Variants in CHD1 observed in about 807,000 individuals in gnomAD.
CHD1 encodes the protein ATP-dependent chromatin remodeler CHD1.
A neutral mutation model predicts 224.2 loss-of-function variants in CHD1; 36 were observed. The ratio of observed to expected loss-of-function variants is 0.16; its 90% CI spans 0.12 to 0.21. CHD1 has a LOEUF of 0.21. CHD1 is among the 10% of genes least tolerant of loss of function. The probability of loss-of-function intolerance (pLI) is 1.00; values close to 1 mark genes in which losing one functional copy is unlikely to be tolerated. For synonymous variants in CHD1, 668 were observed against 658.3 expected, an observed-to-expected ratio of 1.01 and a Z score of -0.23; for missense variants, 1,378 against 1,994.8, an observed-to-expected ratio of 0.69 and a Z score of 5.89.
At chr5:98,879,409 C>T in intron 23 of CHD1, 143 bp downstream of exon 23, 4 of 591,362 alleles carry the variant, frequency 6.8e-6, no homozygotes, top group Non-Finnish European at 1.1e-5. Context: ...CACTTCTCAA[C>T]TCATTTCATG....
intron 17 of CHD1, among the ~76,000 whole-genome samples, chr5:98,886,399 TGA>T (rs1339915115): frequency 1.3e-5 from 2 of 152,204 alleles, no homozygotes; most frequent in African/African-American, 4.8e-5. Flanking sequence ...GAGAACTCAG[TGA>T]GAGAACACAG....
chr5:98,892,801 T>A, intron 14 of CHD1, 88 bp from the exon 15 acceptor site: 1 of 762,496 alleles, frequency 1.3e-6, no homozygotes, highest in Non-Finnish European at 1.9e-6. Flanking sequence ...GGGAGTCATT[T>A]ATAAACAAAA....
At position 98,899,490 on chromosome 5, in the gene CHD1, T is replaced by C. The variant is rs1751555594; in HGVS notation, c.1075A>G (p.Thr359Ala). Residue 359 changes from threonine to alanine, a missense_variant, in exon 8 of 36, where the codon ACA becomes GCA. Thr to Ala is a moderately conservative substitution (Grantham distance 58, BLOSUM62 0). Transcript: ENST00000614616. ...ATACAGCATACTTACCATCTTTTTG[T>C]TTCCTGATCTTTTTTCTTATAATTA... ...LDNYKKKDQETKRWLKNASPE... is the reference protein window; with the variant it reads ...LDNYKKKDQEAKRWLKNASPE... The C allele has an allele frequency of 6.3e-7, 1 of 1,593,130 alleles. No homozygotes were observed. Among genetic ancestry groups the C allele is most frequent in the East Asian group, 2.2e-5 (1 of 44,748 alleles).
At chr5:98,859,090 G>A in intron 33 of CHD1, 75 bp from the exon 34 acceptor site, 16 of 1,087,798 alleles carry the variant, frequency 1.5e-5, no homozygotes, top group Non-Finnish European at 2.2e-5. Context: ...ATAATTCTTA[G>A]AAAATACTGA....
intron 22 of CHD1, 55 bp from the exon 23 acceptor site, chr5:98,879,783 A>T: frequency 7.8e-7 from 1 of 1,279,470 alleles, no homozygotes; most frequent in Admixed American, 2.6e-5. Flanking sequence ...GATCCCTAAA[A>T]GTTTTTTTTA....
At chr5:98,898,468 A>AT (rs745737521) in intron 9 of CHD1, 34 bp from the exon 10 acceptor site, 305 of 1,447,092 alleles carry the variant, frequency 2.1e-4, no homozygotes, top group South Asian at 6.9e-4. Flanking sequence ...TTATTTATTT[A>AT]TTTTTTTTTA....
At chr5:98,909,103 A>C (rs1752228094) in intron 2 of CHD1, among the ~76,000 whole-genome samples, 1 of 152,120 alleles carries the variant, frequency 6.6e-6, no homozygotes, top group African/African-American at 2.4e-5. Context: ...CAATACCAAT[A>C]TCTCTTAAAA....
chr5:98,876,746 T>C lies in CHD1; in HGVS notation c.3238-188A>G, dbSNP rs1043881472. Among the ~76,000 whole-genome samples, 4 of 152,196 alleles carry C rather than the reference T, an allele frequency of 2.6e-5. No homozygotes were observed. In the East Asian group the frequency reaches 5.8e-4, roughly 22 times the overall value. On this transcript the variant is annotated intron_variant, in intron 23 of 35. Coordinates refer to ENST00000614616, the MANE Select transcript of CHD1 (RefSeq NM_001270.4). ...CTGGTGGATATTTTGATTTAAAAGG[T>C]AATCAGACATTATATCAAAAGCCTC...
At chr5:98,916,972 GA>G (rs1752773526) in intron 2 of CHD1, among the ~76,000 whole-genome samples, 1 of 152,012 alleles carries the variant, frequency 6.6e-6, no homozygotes, top group South Asian at 2.1e-4. Context: ...GAATCATTTA[GA>G]ACTGTGAAAA....
chr5:98,921,279 G>A (rs1424412694), intron 2 of CHD1, among the ~76,000 whole-genome samples: 1 of 152,198 alleles, frequency 6.6e-6, no homozygotes, highest in South Asian at 2.1e-4. Flanking sequence ...CTAGCCTCTT[G>A]CTAGTCCTGC....
At chr5:98,920,607 A>G (rs1295863268) in intron 2 of CHD1, among the ~76,000 whole-genome samples, 2 of 151,978 alleles carry the variant, frequency 1.3e-5, no homozygotes, top group Non-Finnish European at 2.9e-5. Flanking sequence ...GATCAGCCTG[A>G]CCAACACAGA....
At chr5:98,883,565 T>C (rs1490073640) in intron 18 of CHD1, among the ~76,000 whole-genome samples, 1 of 151,816 alleles carries the variant, frequency 6.6e-6, no homozygotes, top group East Asian at 1.9e-4. Context: ...TTAAAGGAAC[T>C]AAAAGTAGAA....
intron 2 of CHD1, among the ~76,000 whole-genome samples, chr5:98,910,787 C>T (rs962303970): frequency 6.6e-6 from 1 of 152,010 alleles, no homozygotes; most frequent in African/African-American, 2.4e-5. Context: ...CTTTGTGAAA[C>T]TGCATATACT....
At position 98,901,171 on chromosome 5, in the gene CHD1, A is replaced by G; in HGVS notation, c.587+15T>C. The stretch of plus-strand genomic sequence containing the variant: ...CTTTCCACAATCAATTTTCAGCACC[A>G]AACTGAGACCATACCTATTTTGAGG... On this transcript the variant is annotated intron_variant, in intron 6 of 35. Transcript: ENST00000614616. 4 of 1,598,970 alleles carry G rather than the reference A, an allele frequency of 2.5e-6. No individual in the cohort carries two copies. Among genetic ancestry groups the G allele is most frequent in the Non-Finnish European group, 3.4e-6 (4 of 1,175,818 alleles).
chr5:98,887,568 T>C (rs1425483713), intron 17 of CHD1, among the ~76,000 whole-genome samples: 1 of 152,162 alleles, frequency 6.6e-6, no homozygotes, highest in African/African-American at 2.4e-5. Flanking sequence ...TTAGCTTTAG[T>C]TATATTGAAT....
At chr5:98,924,951 C>G (rs1753356061) in intron 2 of CHD1, among the ~76,000 whole-genome samples, 1 of 151,138 alleles carries the variant, frequency 6.6e-6, no homozygotes, top group Non-Finnish European at 1.5e-5. Flanking sequence ...GCACTCCAGC[C>G]TGGGCGACAG....
chr5:98,872,578 A>G, intron 26 of CHD1, 23 bp from the exon 27 acceptor site: 2 of 1,602,800 alleles, frequency 1.2e-6, no homozygotes, highest in East Asian at 2.2e-5. Context: ...TAAAAAAACC[A>G]GTATTTTTAA....
chr5:98,918,601 G>A (rs1327398758), intron 2 of CHD1, among the ~76,000 whole-genome samples: 1 of 150,644 alleles, frequency 6.6e-6, no homozygotes, highest in Non-Finnish European at 1.5e-5. Flanking sequence ...AACCCCGTCT[G>A]TACGAAAAAT....
chr5:98,872,616 CCA>C, intron 26 of CHD1, 61 bp from the exon 27 acceptor site: 1 of 1,330,858 alleles, frequency 7.5e-7, no homozygotes, highest in Non-Finnish European at 1.1e-6. Flanking sequence ...CTACAAAACA[CCA>C]AGCAACTGAT....
Sources: gnomAD v4.1 joint callset for allele counts (sites outside exome capture counted in the v4.1 genomes callset) on GRCh38, gnomAD v4.1.1 for gene constraint, MANE v1.5 for transcripts, NCBI Gene and HGNC (gene_info 2026-07-23, HGNC 2026-07-21) for gene names.